The following UBXN4 variants were observed in gnomAD, a reference collection of about 807,000 sequenced individuals.
UBXN4 encodes the protein UBX domain protein 4, also known as UBX domain-containing protein 4.
UBXN4 carries 35 observed loss-of-function variants against 66.2 expected under a neutral mutation model. The observed-to-expected ratio is 0.53, with a 90% CI of 0.40 to 0.70. The LOEUF (loss-of-function observed/expected upper bound fraction) is 0.70. Ranked by LOEUF, UBXN4 falls within the 30% of genes least tolerant of loss-of-function variation. The pLI, the probability that UBXN4 is intolerant of heterozygous loss-of-function variation, is 0.00. For missense variants in UBXN4, 533 were observed against 599.8 expected, an observed-to-expected ratio of 0.89 and a Z score of 1.16; for synonymous variants, 203 against 204.5, an observed-to-expected ratio of 0.99 and a Z score of 0.06.
At position 135,782,842 on chromosome 2, in the gene UBXN4, A is replaced by G; in HGVS notation, c.1482A>G (p.Glu494=). 1 of 1,614,038 alleles carries G rather than the reference A, an allele frequency of 6.2e-7. No individual in the cohort carries two copies. Among genetic ancestry groups the G allele is most frequent in the South Asian group, 1.1e-5 (1 of 91,058 alleles). ...IYRLRTQDDG[E]DENNTWNGNS... ...GATTAAGGACTCAAGATGATGGTGA[A>G]GATGAAAACAACACTTGGAATGGAA... Residue 494 remains glutamate, a synonymous_variant, in exon 13 of 13, where the codon GAA becomes GAG. Transcript: ENST00000272638.
intron 6 of UBXN4, among the ~76,000 whole-genome samples, chr2:135,768,448 C>T (rs547421684): frequency 6.6e-5 from 10 of 152,158 alleles, no homozygotes; most frequent in South Asian, 4.1e-4. Flanking sequence ...CTGCCCACCT[C>T]GGCCTCCCAA....
chr2:135,752,521 T>G (rs7559378), intron 2 of UBXN4, among the ~76,000 whole-genome samples: 148,032 of 152,332 alleles, frequency 0.97, 72,048 homozygotes, highest in Non-Finnish European at 1. Context: ...TTTATTGGTA[T>G]ATAGATTGCT....
intron 8 of UBXN4, among the ~76,000 whole-genome samples, chr2:135,771,454 C>T (rs994707639): frequency 2.6e-5 from 4 of 151,234 alleles, no homozygotes; most frequent in African/African-American, 4.9e-5. Flanking sequence ...CCAGCCTGGG[C>T]GACAAAAAGC....
chr2:135,755,529 A>G lies in UBXN4; in HGVS notation c.346A>G (p.Lys116Glu), dbSNP rs1299776440. ...ATTTTCTGCCTAGATGCATTTGCTA[A>G]AAAGTGAAACATCAGTAGCAAATGG... is the stretch of plus-strand genomic sequence containing the variant. ...IHKVRQMHLLKSETSVANGSQ... is the reference protein window; with the variant it reads ...IHKVRQMHLLESETSVANGSQ... Residue 116 changes from lysine to glutamate, a missense_variant, in exon 5 of 13, where the codon AAA becomes GAA. Transcript: ENST00000272638. The G allele has an allele frequency of 6.3e-7, 1 of 1,583,626 alleles. No individual in the cohort carries two copies. The highest frequency in any genetic ancestry group is 1.2e-5 in the South Asian group (1 of 85,542).
At chr2:135,756,768 T>C (rs1016239266) in intron 5 of UBXN4, among the ~76,000 whole-genome samples, 2 of 152,198 alleles carry the variant, frequency 1.3e-5, no homozygotes, top group African/African-American at 4.8e-5. Flanking sequence ...GCATTACTTA[T>C]TGTACAGGTC....
chr2:135,782,956 G>C lies in UBXN4; in HGVS notation c.*69G>C, dbSNP rs1382682270. The C allele has an allele frequency of 1.3e-5, 20 of 1,508,842 alleles. No homozygotes were observed. Among genetic ancestry groups the C allele is most frequent in the Non-Finnish European group, 1.6e-5 (18 of 1,112,764 alleles). The allele number at this position is 1,508,842 out of a possible 1,614,324, so 93.5% of individuals were successfully genotyped here. ...ATTTAATTCAACTAAAATTCTACTG[G>C]AGAAGTGGGACTGCTTTATATTTTC... On this transcript the variant is annotated 3_prime_UTR_variant, in exon 13 of 13. Coordinates refer to ENST00000272638, the MANE Select transcript of UBXN4 (RefSeq NM_014607.4).
intron 10 of UBXN4, among the ~76,000 whole-genome samples, chr2:135,776,556 G>A (rs1218867949): frequency 6.6e-6 from 1 of 152,130 alleles, no homozygotes; most frequent in Non-Finnish European, 1.5e-5. Flanking sequence ...GCAGAAGTAG[G>A]AATTTGCTGA....
chr2:135,755,417 CTT>C, intron 4 of UBXN4, 98 bp from the exon 5 acceptor site: 2 of 901,018 alleles, frequency 2.2e-6, no homozygotes, highest in Admixed American at 4.0e-5. Context: ...TCGTATTTCT[CTT>C]TTTATAGAGT....
At chr2:135,746,087 G>A (rs773969566) in intron 1 of UBXN4, among the ~76,000 whole-genome samples, 7 of 151,616 alleles carry the variant, frequency 4.6e-5, no homozygotes, top group East Asian at 3.9e-4. Context: ...CGTGTTGGCC[G>A]GGATGATCTA....
In UBXN4 at chr2:135,782,749, G is replaced by A. The variant is rs1417826976; in HGVS notation, c.1389G>A (p.Arg463=). 4 of 1,610,940 alleles carry A rather than the reference G, an allele frequency of 2.5e-6. No individual in the cohort carries two copies. In the South Asian group the frequency reaches 4.4e-5, roughly 18 times the overall value. ...NPASSSKSEK[R]EPVRKRVLEK... ...CCTTGCTCCCTCTTTTTCGTATCAGGGAACCAGTGAGAAAAAGAGTGCTGG... is the reference window on the plus strand; with the variant it reads ...CCTTGCTCCCTCTTTTTCGTATCAGAGAACCAGTGAGAAAAAGAGTGCTGG... Residue 463 remains arginine, a splice_region_variant and synonymous_variant, in exon 13 of 13, where the codon AGG becomes AGA. Coordinates refer to ENST00000272638, the MANE Select transcript of UBXN4 (RefSeq NM_014607.4).
chr2:135,746,835 G>A (rs972561496), intron 1 of UBXN4, among the ~76,000 whole-genome samples: 8 of 152,108 alleles, frequency 5.3e-5, no homozygotes, highest in Non-Finnish European at 2.9e-5. Context: ...TTTACTTTGA[G>A]GAAAATGGGG....
At chr2:135,754,778 TTTA>T (rs1425996002) in intron 4 of UBXN4, among the ~76,000 whole-genome samples, 3 of 152,030 alleles carry the variant, frequency 2.0e-5, no homozygotes, top group Non-Finnish European at 4.4e-5. Context: ...GACTGACTTC[TTTA>T]CCTTTCTTTA....
intron 3 of UBXN4, 114 bp from the exon 4 acceptor site, chr2:135,754,045 T>A (rs1327001185): frequency 1.2e-5 from 9 of 751,118 alleles, no homozygotes; most frequent in Admixed American, 5.0e-5. Flanking sequence ...TAATAAATGT[T>A]AGATTATATT....
Position 135,776,358 on chromosome 2 carries a change from T to A in UBXN4, c.1053+7T>A. ...AAGGCAGTTTGCTGCACAGGTAAAT[T>A]TATGTCTTGAGTTGTAGTAAAAATA... is the stretch of plus-strand genomic sequence containing the variant. On this transcript the variant is annotated splice_region_variant and intron_variant, in intron 10 of 12. Transcript: ENST00000272638. 6.2e-7 allele frequency: 1 copy of A among 1,606,410 alleles called. No homozygotes were observed. Among genetic ancestry groups the A allele is most frequent in the Non-Finnish European group, 8.5e-7 (1 of 1,175,392 alleles).
chr2:135,773,777 A>G (rs2077397165), intron 9 of UBXN4, among the ~76,000 whole-genome samples: 1 of 152,244 alleles, frequency 6.6e-6, no homozygotes, highest in African/African-American at 2.4e-5. Context: ...TTGTAATCAG[A>G]AAAATTTTTA....
chr2:135,780,516 C>T (rs189799876), intron 12 of UBXN4, 131 bp downstream of exon 12: 23 of 788,724 alleles, frequency 2.9e-5, no homozygotes, highest in African/African-American at 2.3e-4. Flanking sequence ...AGAAAAACTC[C>T]GATGCTCTGA....
intron 6 of UBXN4, among the ~76,000 whole-genome samples, chr2:135,763,914 C>T (rs757755660): frequency 1.3e-5 from 2 of 152,004 alleles, no homozygotes; most frequent in South Asian, 2.1e-4. Context: ...CATTTGAGGC[C>T]GGGAGTTCAA....
In UBXN4 at chr2:135,761,843, T is replaced by C. The variant is rs541090511; in HGVS notation, c.534T>C (p.Thr178=). The C allele has an allele frequency of 1.9e-5, 31 of 1,612,982 alleles. No individual in the cohort carries two copies. The East Asian group carries it at 2.5e-4, about 13-fold the overall frequency. ...ATGGESAGHA[T]SSQEPSGCSD... ...GAGGAGAAAGTGCAGGCCATGCCAC[T>C]TCCTCTCAGGAGCCTAGTGGATGCT... Residue 178 remains threonine (T), a synonymous_variant, in exon 6 of 13, where the codon ACT becomes ACC. Coordinates refer to ENST00000272638, the MANE Select transcript of UBXN4 (RefSeq NM_014607.4).
Position 135,784,211 on chromosome 2 carries a change from G to C in UBXN4, c.*1324G>C, listed in dbSNP as rs1356246054. ...CTTCTAAATCATAAATGCAGACAAT[G>C]TTTAGGTAAAGACATACTCATTAAG... On this transcript the variant is annotated 3_prime_UTR_variant, in exon 13 of 13. Coordinates refer to ENST00000272638, the MANE Select transcript of UBXN4 (RefSeq NM_014607.4). 6.6e-6 allele frequency: 1 copy of C among 152,120 alleles called. No individual in the cohort carries two copies. Among genetic ancestry groups the C allele is most frequent in the Non-Finnish European group, 1.5e-5 (1 of 68,020 alleles). 9.4% of individuals were successfully genotyped at this position (152,120 alleles called of 1,614,324 possible).
Sources: allele counts gnomAD v4.1 joint callset (sites outside exome capture counted in the v4.1 genomes callset), GRCh38; gene constraint gnomAD v4.1.1; transcripts MANE v1.5; gene names NCBI Gene and HGNC (gene_info 2026-07-23, HGNC 2026-07-21).